SERGEF: variants seen among roughly 807,000 people sequenced by gnomAD.
The protein encoded by SERGEF is secretion regulating guanine nucleotide exchange factor.
In SERGEF, 51 loss-of-function variants were observed where a neutral mutation model predicts 50.0. That is an observed-to-expected ratio of 1.02 (90% confidence interval 0.81 to 1.29). The LOEUF is 1.29. Among genes scored for constraint, SERGEF ranks in the 50% most tolerant of loss-of-function variants. The probability of loss-of-function intolerance (pLI) is 0.00; values close to 1 mark genes in which losing one functional copy is unlikely to be tolerated. For synonymous variants in SERGEF, 205 were observed against 212.4 expected (o/e 0.97, Z 0.30); for missense variants, 521 against 557.0 (o/e 0.94, Z 0.65).
At chr11:17,882,071 T>C (rs1439356831) in intron 9 of SERGEF, among the ~76,000 whole-genome samples, 1 of 152,234 alleles carries the variant, frequency 6.6e-6, no homozygotes, top group African/African-American at 2.4e-5. Flanking sequence ...ATGCATGCTA[T>C]GCTCCTTGCC....
chr11:17,994,305 C>G (rs1853785134), intron 6 of SERGEF, among the ~76,000 whole-genome samples: 2 of 151,806 alleles, frequency 1.3e-5, no homozygotes, highest in South Asian at 4.2e-4. Flanking sequence ...AAAACCCTGT[C>G]TCTACTAAAA....
intron 10 of SERGEF, among the ~76,000 whole-genome samples, chr11:17,799,254 T>C (rs1391730570): frequency 6.6e-6 from 1 of 151,924 alleles, no homozygotes; most frequent in Middle Eastern, 3.2e-3. Flanking sequence ...GTTCCACCTC[T>C]GTTAGCTTAG....
At chr11:17,853,493 T>G (rs1269690457) in intron 10 of SERGEF, 1 of 152,242 alleles carries the variant, frequency 6.6e-6, no homozygotes, top group African/African-American at 2.4e-5. Context: ...ACTGGGGCAG[T>G]GAGCTGCTAC....
At chr11:17,797,200 C>A (rs1473996957) in intron 10 of SERGEF, among the ~76,000 whole-genome samples, 1 of 152,224 alleles carries the variant, frequency 6.6e-6, no homozygotes, top group African/African-American at 2.4e-5. Context: ...TGTGTTAAAA[C>A]CTATGTCAGA....
At chr11:17,940,674 A>T (rs1852544970) in intron 9 of SERGEF, among the ~76,000 whole-genome samples, 1 of 152,158 alleles carries the variant, frequency 6.6e-6, no homozygotes, top group Non-Finnish European at 1.5e-5. Flanking sequence ...CCCAGGCTCA[A>T]GAGATCCTCC....
intron 9 of SERGEF, among the ~76,000 whole-genome samples, chr11:17,908,768 G>C (rs576354960): frequency 6.6e-6 from 1 of 152,266 alleles, no homozygotes; most frequent in East Asian, 1.9e-4. Flanking sequence ...CAGGACAAAT[G>C]GTGAGAAATA....
chr11:17,978,857 T>C (rs1440586862), intron 8 of SERGEF, among the ~76,000 whole-genome samples: 1 of 152,210 alleles, frequency 6.6e-6, no homozygotes, highest in African/African-American at 2.4e-5. Context: ...CAAGGCTAGC[T>C]GGCTGCCTAC....
intron 9 of SERGEF, among the ~76,000 whole-genome samples, chr11:17,935,155 A>G (rs1415217933): frequency 6.6e-6 from 1 of 151,926 alleles, no homozygotes; most frequent in Non-Finnish European, 1.5e-5. Flanking sequence ...CTCTGCATAC[A>G]ATTTTAAAAT....
At chr11:18,008,189 G>T in intron 1 of SERGEF, 113 bp from the exon 2 acceptor site, 1 of 1,072,186 alleles carries the variant, frequency 9.3e-7, no homozygotes, top group East Asian at 2.5e-5. Context: ...TGTAACAGAT[G>T]AGATTTATTA....
chr11:17,828,369 C>G (rs1428359542), intron 10 of SERGEF, among the ~76,000 whole-genome samples: 1 of 152,196 alleles, frequency 6.6e-6, no homozygotes, highest in Non-Finnish European at 1.5e-5. Flanking sequence ...CAGCAGGAGT[C>G]TTTCCGAGAA....
intron 10 of SERGEF, among the ~76,000 whole-genome samples, chr11:17,808,866 C>T (rs1849814580): frequency 6.6e-6 from 1 of 152,190 alleles, no homozygotes; most frequent in African/African-American, 2.4e-5. Flanking sequence ...CCATGTGGAG[C>T]CAGCTAACTG....
At chr11:17,987,032 A>G (rs1853614782) in intron 8 of SERGEF, among the ~76,000 whole-genome samples, 2 of 152,354 alleles carry the variant, frequency 1.3e-5, no homozygotes, top group East Asian at 1.9e-4. Flanking sequence ...GCTTACACCT[A>G]TCTACATATT....
intron 10 of SERGEF, among the ~76,000 whole-genome samples, chr11:17,860,403 G>A (rs975035484): frequency 6.6e-6 from 1 of 152,076 alleles, no homozygotes; most frequent in African/African-American, 2.4e-5. Flanking sequence ...GGGAAATGAA[G>A]GTGGTGGTAT....
intron 10 of SERGEF, among the ~76,000 whole-genome samples, chr11:17,827,298 G>A (rs999450611): frequency 1.2e-4 from 18 of 152,178 alleles, no homozygotes; most frequent in Admixed American, 7.9e-4. Context: ...CATCAGGGCC[G>A]CTGGATCATA....
intron 8 of SERGEF, among the ~76,000 whole-genome samples, chr11:17,977,296 A>G (rs1853397766): frequency 6.6e-6 from 1 of 152,226 alleles, no homozygotes. Flanking sequence ...AGTGAAGGGA[A>G]TAGAGTGTAA....
intron 5 of SERGEF, among the ~76,000 whole-genome samples, chr11:17,999,243 G>T (rs1342436868): frequency 6.6e-6 from 1 of 152,176 alleles, no homozygotes; most frequent in East Asian, 1.9e-4. Flanking sequence ...CAACAGGAAG[G>T]ATTCCTGTGG....
intron 9 of SERGEF, among the ~76,000 whole-genome samples, chr11:17,910,608 C>G (rs111665933): frequency 6.6e-5 from 10 of 152,168 alleles, no homozygotes; most frequent in African/African-American, 2.4e-4. Flanking sequence ...TCTGAAGTCT[C>G]CCTAATATTT....
chr11:18,011,533 T>C (rs1033968828), intron 1 of SERGEF, among the ~76,000 whole-genome samples: 2 of 152,220 alleles, frequency 1.3e-5, no homozygotes, highest in African/African-American at 4.8e-5. Flanking sequence ...AATAAATTTC[T>C]GTTGTTTAAG....
intron 9 of SERGEF, among the ~76,000 whole-genome samples, chr11:17,882,494 G>A (rs1467261319): frequency 6.6e-6 from 1 of 151,824 alleles, no homozygotes; most frequent in Non-Finnish European, 1.5e-5. Context: ...GACTTCTTCA[G>A]GCAGAGCCAG....
Sources: gnomAD v4.1 joint callset for allele counts (sites outside exome capture counted in the v4.1 genomes callset) on GRCh38, gnomAD v4.1.1 for gene constraint, MANE v1.5 for transcripts, NCBI Gene and HGNC (gene_info 2026-07-23, HGNC 2026-07-21) for gene names.